Variants in IMPACT observed in about 807,000 individuals in gnomAD.
The protein encoded by IMPACT is protein IMPACT.
IMPACT carries 35 observed loss-of-function variants against 47.5 expected under a neutral mutation model. That is an observed-to-expected ratio of 0.74 (90% CI 0.56 to 0.98). The LOEUF (loss-of-function observed/expected upper bound fraction) is 0.98, where lower values mean the gene tolerates loss of function less well. IMPACT is among the 50% of genes least tolerant of loss of function. The pLI, the probability that IMPACT is intolerant of heterozygous loss-of-function variation, is 0.00. For synonymous variants in IMPACT, 118 were observed against 125.6 expected (o/e 0.94, Z 0.40); for missense variants, 373 against 394.8 (o/e 0.94, Z 0.47).
At chr18:24,428,206 AAATCATACATT>A (rs1599760039) in intron 2 of IMPACT, among the ~76,000 whole-genome samples, 159 bp downstream of exon 2, 1 of 152,352 alleles carries the variant, frequency 6.6e-6, no homozygotes, top group East Asian at 1.9e-4. Flanking sequence ...GATCACTTTC[AAATCATACATT>A]AATTGATAGT....
In IMPACT at chr18:24,453,020, TC is replaced by T. The variant is rs1174819152; in HGVS notation, c.*2175del. 2.0e-5 allele frequency: 3 copies of T among 152,218 alleles called. No homozygotes were observed. Among genetic ancestry groups the T allele is most frequent in the African/African-American group, 7.2e-5 (3 of 41,442 alleles). 9.4% of individuals were successfully genotyped at this position (152,218 alleles called of 1,614,324 possible). ...TTGAGCTCCTGGCCTCAATCGATCT[TC>T]CTGCCAAGGTTTTGGAATTACAGGT... On this transcript the variant is annotated 3_prime_UTR_variant, in exon 11 of 11. Coordinates refer to ENST00000284202, the MANE Select transcript of IMPACT (RefSeq NM_018439.4).
At chr18:24,446,841 A>G (rs1035788623) in intron 8 of IMPACT, among the ~76,000 whole-genome samples, 2 of 152,222 alleles carry the variant, frequency 1.3e-5, no homozygotes, top group African/African-American at 4.8e-5. Context: ...GGGCTGTAAA[A>G]ATTGTAATGT....
chr18:24,438,181 A>T, intron 5 of IMPACT, 141 bp downstream of exon 5: 1 of 524,138 alleles, frequency 1.9e-6, no homozygotes, highest in Non-Finnish European at 3.4e-6. Context: ...TTCTCTGAAA[A>T]GTTTAATTGC....
intron 5 of IMPACT, 28 bp from the exon 6 acceptor site, chr18:24,440,468 A>G (rs373557601): frequency 6.9e-6 from 11 of 1,602,912 alleles, no homozygotes; most frequent in Non-Finnish European, 9.4e-6. Context: ...CCTGCGTCAT[A>G]AAGTAATTGT....
chr18:24,448,538 C>T (rs1909303023), intron 9 of IMPACT, among the ~76,000 whole-genome samples: 1 of 151,642 alleles, frequency 6.6e-6, no homozygotes, highest in Admixed American at 6.6e-5. Context: ...TGGATAGATC[C>T]AGAATTTTTT....
rs775720096 is a variant in IMPACT, at chr18:24,440,587, A to G, written c.459A>G (p.Ala153=). The G allele has an allele frequency of 1.9e-6, 3 of 1,613,264 alleles. No individual in the cohort carries two copies. Among genetic ancestry groups the G allele is most frequent in the South Asian group, 2.2e-5 (2 of 90,924 alleles). Residue 153 remains alanine (A), a synonymous_variant, in exon 6 of 11, where the codon GCA becomes GCG. Coordinates refer to ENST00000284202, the MANE Select transcript of IMPACT (RefSeq NM_018439.4). ...LACQPESSLK[A]LDFDISETRT... is the part of the protein sequence containing the mutation. ...GTCAGCCGGAAAGTTCGCTTAAAGC[A>G]TTGGATTTTGATATCAGTGAAACTC...
chr18:24,431,729 G>A (rs1194838315), intron 4 of IMPACT, among the ~76,000 whole-genome samples: 1 of 150,412 alleles, frequency 6.6e-6, no homozygotes, highest in Non-Finnish European at 1.5e-5. Flanking sequence ...TGAGATGGAA[G>A]CTCACTCTGT....
intron 1 of IMPACT, chr18:24,427,521 A>C (rs528069989): frequency 6.1e-6 from 1 of 164,996 alleles, no homozygotes; most frequent in South Asian, 1.5e-4. Flanking sequence ...AGGAGTACAC[A>C]GATAATGTGG....
In IMPACT at chr18:24,440,613, G is replaced by A. The variant is rs1372973591; in HGVS notation, c.485G>A (p.Arg162Gln). The change falls in exon 6 of 11, where the codon CGG (arginine) becomes CAG (glutamine). Residue 162 changes from arginine (R) to glutamine (Q), a missense_variant. Arg to Gln is a conservative substitution (Grantham distance 43, BLOSUM62 1). Coordinates refer to ENST00000284202, the MANE Select transcript of IMPACT (RefSeq NM_018439.4). ...KALDFDISET[R>Q]TEVEVEELPP... ...TTGGATTTTGATATCAGTGAAACTC[G>A]GACAGGTATAATGTTACTAACTAAT... 2 of 1,612,608 alleles carry A rather than the reference G, an allele frequency of 1.2e-6. No homozygotes were observed. Among genetic ancestry groups the A allele is most frequent in the South Asian group, 1.1e-5 (1 of 90,812 alleles).
chr18:24,434,131 G>C (rs765042911), intron 4 of IMPACT, among the ~76,000 whole-genome samples: 14 of 152,134 alleles, frequency 9.2e-5, no homozygotes, highest in Non-Finnish European at 1.5e-4. Context: ...CTTGAAGCTA[G>C]AAGTTTGAGA....
chr18:24,438,946 TA>T (rs759611422), intron 5 of IMPACT, among the ~76,000 whole-genome samples: 31 of 152,216 alleles, frequency 2.0e-4, no homozygotes, highest in Non-Finnish European at 4.0e-4. Context: ...AAATATATTT[TA>T]AGAAATTGGC....
intron 6 of IMPACT, among the ~76,000 whole-genome samples, 175 bp downstream of exon 6, chr18:24,440,793 T>C (rs1390102958): frequency 6.6e-6 from 1 of 152,262 alleles, no homozygotes; most frequent in African/African-American, 2.4e-5. Context: ...TTGCCAAGTC[T>C]TATCAGAATG....
In IMPACT at chr18:24,427,934, G is replaced by A. The variant is rs771216933; in HGVS notation, c.52G>A (p.Ala18Thr). Residue 18 changes from alanine to threonine, a missense_variant, in exon 2 of 11, where the codon GCA becomes ACA. Transcript: ENST00000284202. ...SDQRQNEEIE[A>T]MAAIYGEEWC... ...TTTCTTTCAGAATGAGGAAATTGAA[G>A]CAATGGCAGCCATTTATGGCGAGGA... 1 of 1,594,558 alleles carries A rather than the reference G, an allele frequency of 6.3e-7. No individual in the cohort carries two copies. The highest frequency in any genetic ancestry group is 2.3e-5 in the East Asian group (1 of 44,290).
intron 4 of IMPACT, among the ~76,000 whole-genome samples, chr18:24,433,219 G>T: frequency 8.8e-6 from 1 of 113,928 alleles, no homozygotes; most frequent in African/African-American, 3.4e-5. Context: ...TTGAGACGGA[G>T]TCTCGCTCTG....
At chr18:24,446,682 CTCTT>C (rs900884726) in intron 8 of IMPACT, among the ~76,000 whole-genome samples, 6 of 152,140 alleles carry the variant, frequency 3.9e-5, no homozygotes, top group African/African-American at 1.4e-4. Flanking sequence ...AATTTCACAT[CTCTT>C]TAAGTGCCAA....
chr18:24,450,233 C>T (rs1389855976), intron 10 of IMPACT, among the ~76,000 whole-genome samples: 1 of 152,090 alleles, frequency 6.6e-6, no homozygotes, highest in African/African-American at 2.4e-5. Context: ...ATTAGAAAAA[C>T]CTTTTAAGAC....
At chr18:24,426,850 C>A in intron 1 of IMPACT, 58 bp downstream of exon 1, 1 of 1,180,622 alleles carries the variant, frequency 8.5e-7, no homozygotes, top group Non-Finnish European at 1.1e-6. Flanking sequence ...CCTCGCCATG[C>A]CAGTCCTCCT....
chr18:24,434,989 TC>T (rs1220234424), intron 4 of IMPACT, among the ~76,000 whole-genome samples: 1 of 151,058 alleles, frequency 6.6e-6, no homozygotes, highest in Non-Finnish European at 1.5e-5. Flanking sequence ...TTTTTTTTTT[TC>T]TGAGGTGGGG....
chr18:24,426,872 C>A, intron 1 of IMPACT, 80 bp downstream of exon 1: 1 of 1,043,912 alleles, frequency 9.6e-7, no homozygotes, highest in Non-Finnish European at 1.2e-6. Flanking sequence ...AGCCGAGGGG[C>A]CCTCCGCCTG....
Sources: gnomAD v4.1 joint callset for allele counts (sites outside exome capture counted in the v4.1 genomes callset) on GRCh38, gnomAD v4.1.1 for gene constraint, MANE v1.5 for transcripts, NCBI Gene and HGNC (gene_info 2026-07-23, HGNC 2026-07-21) for gene names.